SH3GL2: variants seen among roughly 807,000 people sequenced by gnomAD.
SH3GL2 encodes SH3 domain containing GRB2 like 2, endophilin A1.
A neutral mutation model predicts 46.0 loss-of-function variants in SH3GL2; 24 were observed. The ratio of observed to expected loss-of-function variants is 0.52; its 90% CI spans 0.38 to 0.73. The LOEUF is 0.73. Ranked by LOEUF, SH3GL2 falls within the 30% of genes least tolerant of loss-of-function variation. The pLI is 0.00. For missense variants in SH3GL2, 413 were observed against 424.2 expected (o/e 0.97, Z 0.23); for synonymous variants, 196 against 147.1 (o/e 1.33, Z -2.40).
intron 3 of SH3GL2, among the ~76,000 whole-genome samples, chr9:17,772,203 G>T (rs572721597): frequency 6.6e-6 from 1 of 152,216 alleles, no homozygotes; most frequent in South Asian, 2.1e-4. Context: ...CATAAATTTT[G>T]TTGGAAGTAT....
chr9:17,605,943 A>C (rs140374137), intron 1 of SH3GL2, among the ~76,000 whole-genome samples: 12 of 152,166 alleles, frequency 7.9e-5, no homozygotes, highest in African/African-American at 2.7e-4. Context: ...CATCAAAGTC[A>C]ACACGTTATT....
chr9:17,738,641 T>TATAGAGAGAGAGAGAGAGAG (rs376280314), intron 1 of SH3GL2, among the ~76,000 whole-genome samples: 4 of 88,882 alleles, frequency 4.5e-5, no homozygotes, highest in Admixed American at 3.8e-4. Context: ...TATATATATA[T>TATAGAGAGAGAGAGAGAGAG]AGAGAGAGAG....
At chr9:17,792,055 C>A (rs1824145287) in intron 7 of SH3GL2, among the ~76,000 whole-genome samples, 1 of 152,120 alleles carries the variant, frequency 6.6e-6, no homozygotes. Context: ...AACATGTATA[C>A]CTCAAAGGGT....
intron 1 of SH3GL2, among the ~76,000 whole-genome samples, chr9:17,697,830 C>A (rs940148681): frequency 6.6e-6 from 1 of 152,160 alleles, no homozygotes; most frequent in African/African-American, 2.4e-5. Context: ...GATGACTTGG[C>A]CTGTGTTGCG....
intron 2 of SH3GL2, among the ~76,000 whole-genome samples, chr9:17,760,307 G>T (rs865991271): frequency 3.9e-5 from 6 of 152,046 alleles, no homozygotes; most frequent in African/African-American, 1.2e-4. Context: ...TAATATGACT[G>T]CCATGGAATG....
intron 3 of SH3GL2, among the ~76,000 whole-genome samples, chr9:17,785,060 A>T (rs1405402847): frequency 6.6e-6 from 1 of 152,204 alleles, no homozygotes; most frequent in Non-Finnish European, 1.5e-5. Flanking sequence ...TTTATATGAA[A>T]AAGCAAATAA....
intron 1 of SH3GL2, among the ~76,000 whole-genome samples, chr9:17,598,056 A>G (rs966143854): frequency 6.6e-6 from 1 of 152,182 alleles, no homozygotes; most frequent in Non-Finnish European, 1.5e-5. Context: ...AGGTGCAGCA[A>G]AGAACAATGC....
At chr9:17,585,588 C>G (rs1187264296) in intron 1 of SH3GL2, among the ~76,000 whole-genome samples, 1 of 152,124 alleles carries the variant, frequency 6.6e-6, no homozygotes, top group South Asian at 2.1e-4. Context: ...GGTGACAGCT[C>G]TGAGAGCAGG....
chr9:17,713,559 A>G (rs1445705758), intron 1 of SH3GL2, among the ~76,000 whole-genome samples: 1 of 151,536 alleles, frequency 6.6e-6, no homozygotes, highest in Non-Finnish European at 1.5e-5. Flanking sequence ...GTACTGTGGT[A>G]GTGTCATTCC....
chr9:17,722,874 C>T (rs1821929733), intron 1 of SH3GL2, among the ~76,000 whole-genome samples: 1 of 152,100 alleles, frequency 6.6e-6, no homozygotes, highest in Admixed American at 6.6e-5. Flanking sequence ...ATATCCAGGG[C>T]ACCCTAAATG....
chr9:17,757,821 C>T (rs563221143), intron 2 of SH3GL2, among the ~76,000 whole-genome samples: 1 of 152,126 alleles, frequency 6.6e-6, no homozygotes, highest in Non-Finnish European at 1.5e-5. Context: ...AGGCCTGTTA[C>T]TAAGAGAATA....
intron 1 of SH3GL2, among the ~76,000 whole-genome samples, chr9:17,617,762 A>T (rs1335982958): frequency 6.6e-6 from 1 of 152,170 alleles, no homozygotes; most frequent in Non-Finnish European, 1.5e-5. Flanking sequence ...GTGTCTTGAC[A>T]TATGTAGCTT....
chr9:17,591,825 C>T (rs578082537), intron 1 of SH3GL2, among the ~76,000 whole-genome samples: 4 of 152,246 alleles, frequency 2.6e-5, no homozygotes, highest in South Asian at 4.1e-4. Context: ...TTCAGGTGAA[C>T]GTAGGCATTT....
At chr9:17,704,890 C>A (rs181596699) in intron 1 of SH3GL2, among the ~76,000 whole-genome samples, 1 of 151,922 alleles carries the variant, frequency 6.6e-6, no homozygotes, top group African/African-American at 2.4e-5. Context: ...GATTTCATGA[C>A]GAAAATGCCA....
intron 1 of SH3GL2, among the ~76,000 whole-genome samples, chr9:17,717,738 G>C (rs1402623823): frequency 1.3e-5 from 2 of 152,098 alleles, no homozygotes; most frequent in Non-Finnish European, 2.9e-5. Context: ...TTTTATAGAT[G>C]AAATTAATGG....
At chr9:17,795,324 C>G (rs534546006) in intron 8 of SH3GL2, among the ~76,000 whole-genome samples, 1 of 152,144 alleles carries the variant, frequency 6.6e-6, no homozygotes, top group African/African-American at 2.4e-5. Flanking sequence ...GCAGCAACTT[C>G]CAAAGGTCCG....
chr9:17,726,874 C>T (rs935668698), intron 1 of SH3GL2, among the ~76,000 whole-genome samples: 2 of 152,062 alleles, frequency 1.3e-5, no homozygotes, highest in Admixed American at 1.3e-4. Flanking sequence ...TGGTATAACT[C>T]CTTCGGGGAG....
At chr9:17,786,289 G>T (rs938770925) in intron 3 of SH3GL2, 92 bp from the exon 4 acceptor site, 1 of 1,207,464 alleles carries the variant, frequency 8.3e-7, no homozygotes. Flanking sequence ...GAGCTACTTT[G>T]TAGGCTGCTC....
chr9:17,620,315 G>A (rs1438823381), intron 1 of SH3GL2, among the ~76,000 whole-genome samples: 1 of 152,064 alleles, frequency 6.6e-6, no homozygotes, highest in Non-Finnish European at 1.5e-5. Flanking sequence ...TTTTGCACTG[G>A]GTATCCAGTG....
Sources: gnomAD v4.1 joint callset for allele counts (sites outside exome capture counted in the v4.1 genomes callset) on GRCh38, gnomAD v4.1.1 for gene constraint, MANE v1.5 for transcripts, NCBI Gene and HGNC (gene_info 2026-07-23, HGNC 2026-07-21) for gene names.